FAM234A: variants seen among roughly 807,000 people sequenced by gnomAD.
FAM234A encodes the protein family with sequence similarity 234 member A.
In FAM234A, 42 loss-of-function variants were observed where a neutral mutation model predicts 49.1. That is an observed-to-expected ratio of 0.86 (90% CI 0.67 to 1.11). The LOEUF is 1.11. Ranked by LOEUF, FAM234A falls within the 50% of genes least tolerant of loss-of-function variation. The pLI is 0.00. For synonymous variants in FAM234A, 369 were observed against 316.2 expected (o/e 1.17, Z -1.77); for missense variants, 815 against 745.2 (o/e 1.09, Z -1.09).
chr16:244,070 A>T (rs532429448), intron 1 of FAM234A, among the ~76,000 whole-genome samples: 25 of 151,106 alleles, frequency 1.7e-4, no homozygotes, highest in African/African-American at 2.4e-5. Flanking sequence ...CCAGGTTCAC[A>T]CCATTCTCCT....
chr16:260,270 G>A (rs1329661748), intron 5 of FAM234A, 110 bp downstream of exon 5: 3 of 1,048,690 alleles, frequency 2.9e-6, no homozygotes, highest in African/African-American at 3.1e-5. Flanking sequence ...GTGATCTTGA[G>A]GGTGGCTGGA....
chr16:247,013 TCTGC>T (rs1465372991), intron 1 of FAM234A: 1 of 151,952 alleles, frequency 6.6e-6, no homozygotes, highest in African/African-American at 2.4e-5. Context: ...GACTTCGTGA[TCTGC>T]CTGCCTCGGC....
chr16:250,823 A>C (rs1424672535), intron 2 of FAM234A, among the ~76,000 whole-genome samples: 1 of 152,110 alleles, frequency 6.6e-6, no homozygotes, highest in African/African-American at 2.4e-5. Context: ...TGTCCTAGTC[A>C]TTGCATTTAG....
In FAM234A at chr16:265,238, C is replaced by G. The variant is rs1033855631; in HGVS notation, c.*216C>G. The G allele has an allele frequency of 1.4e-6, 2 of 1,381,280 alleles. No individual in the cohort carries two copies. The highest frequency in any genetic ancestry group is 1.9e-6 in the Non-Finnish European group (2 of 1,070,198). The allele number at this position is 1,381,280 out of a possible 1,614,324, so 85.6% of individuals were successfully genotyped here. ...CTGGGCCTCTCTCCCGCCCAGCATC[C>G]TCCCTGAGTCCCCACACAGGGCCTC... On this transcript the variant is annotated 3_prime_UTR_variant, in exon 13 of 13. Coordinates refer to ENST00000399932, the MANE Select transcript of FAM234A (RefSeq NM_032039.4).
chr16:267,506 A>G (rs1329057696), downstream of FAM234A, among the ~76,000 whole-genome samples: 2 of 151,898 alleles, frequency 1.3e-5, no homozygotes, highest in African/African-American at 4.8e-5. Context: ...TGCACCACAC[A>G]TGCATCCTAC....
At chr16:268,714 G>A, downstream of FAM234A, 1 of 1,511,456 alleles carries the variant, frequency 6.6e-7, no homozygotes. Flanking sequence ...AATAGGCGCA[G>A]CTCCGGAAGG....
chr16:262,203 C>A lies in FAM234A; in HGVS notation c.819C>A (p.Ala273=). 6.2e-7 allele frequency: 1 copy of A among 1,613,994 alleles called. No individual in the cohort carries two copies. The highest frequency in any genetic ancestry group is 1.1e-5 in the South Asian group (1 of 91,088). The change falls in exon 7 of 13, where the codon GCC becomes GCA. Residue 273 remains alanine (A), a synonymous_variant. Transcript: ENST00000399932. ...GFLLHVTRTG[A]HYILFPCASS... The stretch of plus-strand genomic sequence containing the variant: ...TCCTTCACGTCACCAGGACAGGTGC[C>A]CACTACATCCTCTTTCCCTGCGGTA...
chr16:265,942 G>GCAGGACTCACCTCTA lies in FAM234A; in HGVS notation c.*920_*921insCAGGACTCACCTCTA. On this transcript the variant is annotated 3_prime_UTR_variant, in exon 13 of 13. Coordinates refer to ENST00000399932, the MANE Select transcript of FAM234A (RefSeq NM_032039.4). ...GCCACCCGATGCAGGACTCACCTCTGTGCCTTGCTGCTCCTGAGGCCCAAG... is the reference window on the plus strand; with the variant it reads ...GCCACCCGATGCAGGACTCACCTCTGCAGGACTCACCTCTATGCCTTGCTGCTCCTGAGGCCCAAG... 1 of 986,004 alleles carries GCAGGACTCACCTCTA rather than the reference G, an allele frequency of 1.0e-6. No homozygotes were observed. Among genetic ancestry groups the GCAGGACTCACCTCTA allele is most frequent in the East Asian group, 1.1e-4 (1 of 8,830 alleles). The allele number at this position is 986,004 out of a possible 1,614,324, so 61.1% of individuals were successfully genotyped here. A position where few individuals can be genotyped will look rare whatever the true frequency, so the allele number is the denominator to read the frequency against.
chr16:246,223 AATAAT>A (rs1368290583), intron 1 of FAM234A, among the ~76,000 whole-genome samples: 68 of 151,134 alleles, frequency 4.5e-4, no homozygotes, highest in African/African-American at 1.6e-3. Flanking sequence ...TCAAAAAAAT[AATAAT>A]AATAATAATA....
chr16:245,476 G>A (rs183211572), intron 1 of FAM234A, among the ~76,000 whole-genome samples: 35 of 152,300 alleles, frequency 2.3e-4, no homozygotes, highest in Non-Finnish European at 4.0e-4. Context: ...GCCCAGTTAT[G>A]AATTCGTTTC....
Position 266,063 on chromosome 16 carries a change from A to G in FAM234A, c.*1041A>G. 1.0e-6 allele frequency: 1 copy of G among 986,062 alleles called. No homozygotes were observed. The highest frequency in any genetic ancestry group is 1.2e-6 in the Non-Finnish European group (1 of 830,114). 61.1% of individuals were successfully genotyped at this position (986,062 alleles called of 1,614,324 possible). ...CTGATGACCCACCCACCAAGGAAGA[A>G]AGCAGAATAAACATTTTTGCACTGC... On this transcript the variant is annotated 3_prime_UTR_variant, in exon 13 of 13. Transcript: ENST00000399932.
chr16:237,163 C>G (rs1421385245), intron 1 of FAM234A, among the ~76,000 whole-genome samples: 1 of 152,078 alleles, frequency 6.6e-6, no homozygotes, highest in Non-Finnish European at 1.5e-5. Flanking sequence ...GCCTTGGCCT[C>G]GCAAAGTGTT....
chr16:258,155 A>G (rs1177870433), intron 3 of FAM234A, among the ~76,000 whole-genome samples: 1 of 134,082 alleles, frequency 7.5e-6, no homozygotes, highest in Non-Finnish European at 1.6e-5. Flanking sequence ...CACCCGGCCT[A>G]TTTTTTTTTT....
intron 1 of FAM234A, among the ~76,000 whole-genome samples, chr16:238,631 TGACG>T (rs2050488823): frequency 2.0e-5 from 3 of 150,666 alleles, no homozygotes; most frequent in Non-Finnish European, 2.9e-5. Context: ...CCAGGCGTGG[TGACG>T]GGTGCCTGTA....
intron 1 of FAM234A, 63 bp downstream of exon 1, chr16:234,920 C>T (rs535214871): frequency 2.0e-5 from 3 of 152,214 alleles, no homozygotes; most frequent in African/African-American, 4.8e-5. Flanking sequence ...GCCGCCCCTT[C>T]GCTCTGGGAC....
chr16:251,779 G>A (rs2051023829), intron 2 of FAM234A, among the ~76,000 whole-genome samples: 1 of 149,738 alleles, frequency 6.7e-6, no homozygotes, highest in Admixed American at 6.7e-5. Flanking sequence ...CAGTGCGGGT[G>A]GATCACGAGG....
At chr16:268,209 C>A (rs1165428962), downstream of FAM234A, 3 of 193,292 alleles carry the variant, frequency 1.6e-5, no homozygotes, top group African/African-American at 7.0e-5. Context: ...TACATACACA[C>A]CACACGTGTG....
At chr16:250,045 A>G (rs2050944692) in intron 2 of FAM234A, among the ~76,000 whole-genome samples, 1 of 152,144 alleles carries the variant, frequency 6.6e-6, no homozygotes, top group Non-Finnish European at 1.5e-5. Context: ...TCCCGGGTTC[A>G]CGCCGTTCTC....
chr16:262,944 C>T (rs1226201752), intron 8 of FAM234A, among the ~76,000 whole-genome samples: 2 of 151,716 alleles, frequency 1.3e-5, no homozygotes, highest in African/African-American at 2.4e-5. Flanking sequence ...CCCAGCCTCC[C>T]GAGTAGCTGG....
Sources: gnomAD v4.1 joint callset for allele counts (sites outside exome capture counted in the v4.1 genomes callset) on GRCh38, gnomAD v4.1.1 for gene constraint, MANE v1.5 for transcripts, NCBI Gene and HGNC (gene_info 2026-07-23, HGNC 2026-07-21) for gene names.